The following USP45 variants were observed in gnomAD, a reference collection of about 807,000 sequenced individuals.
USP45 encodes the protein ubiquitin carboxyl-terminal hydrolase 45.
Under a neutral mutation model 95.8 loss-of-function variants are expected in USP45, and 89 were observed. The observed-to-expected ratio is 0.93, with a 90% confidence interval of 0.78 to 1.11. USP45 has a LOEUF of 1.11. USP45 is among the 50% of genes least tolerant of loss of function. The pLI is 0.00. For missense variants in USP45, 898 were observed against 942.5 expected (o/e 0.95, Z 0.62); for synonymous variants, 281 against 316.2 (o/e 0.89, Z 1.18).
At chr6:99,462,014 C>T in intron 13 of USP45, 1 of 984,986 alleles carries the variant, frequency 1.0e-6, no homozygotes, top group Non-Finnish European at 1.2e-6. Flanking sequence ...ACATTTATGT[C>T]ATTTAAATTT....
chr6:99,503,997 C>A, intron 4 of USP45, 132 bp from the exon 5 acceptor site: 1 of 582,270 alleles, frequency 1.7e-6, no homozygotes, highest in Non-Finnish European at 2.9e-6. Flanking sequence ...GGGAAGCCAC[C>A]AGGTAAGTCT....
chr6:99,497,881 T>C (rs1463731650), intron 5 of USP45, among the ~76,000 whole-genome samples: 1 of 152,198 alleles, frequency 6.6e-6, no homozygotes, highest in Non-Finnish European at 1.5e-5. Context: ...AATGAGCTAT[T>C]TTCTTTGCCT....
intron 9 of USP45, among the ~76,000 whole-genome samples, chr6:99,472,966 T>C (rs1789814759): frequency 6.6e-6 from 1 of 152,154 alleles, no homozygotes; most frequent in African/African-American, 2.4e-5. Flanking sequence ...TAAGAAAATG[T>C]GATCAAATAC....
At chr6:99,506,171 C>A (rs1798480455) in intron 4 of USP45, among the ~76,000 whole-genome samples, 2 of 152,130 alleles carry the variant, frequency 1.3e-5, no homozygotes, top group South Asian at 4.1e-4. Context: ...TAAAGAAAAT[C>A]TGAGACTCCT....
chr6:99,499,930 T>C (rs915763193), intron 5 of USP45, among the ~76,000 whole-genome samples: 2 of 152,208 alleles, frequency 1.3e-5, no homozygotes, highest in Non-Finnish European at 2.9e-5. Flanking sequence ...CTGTTTAATC[T>C]TACACCTTCT....
chr6:99,445,082 GCTA>G (rs1379766290), intron 14 of USP45, among the ~76,000 whole-genome samples: 1 of 152,148 alleles, frequency 6.6e-6, no homozygotes, highest in African/African-American at 2.4e-5. Flanking sequence ...TTTATGACAT[GCTA>G]CTATTTAAAA....
intron 5 of USP45, among the ~76,000 whole-genome samples, chr6:99,503,122 A>G (rs994275590): frequency 2.6e-5 from 4 of 152,352 alleles, no homozygotes; most frequent in East Asian, 3.9e-4. Context: ...CAGTAACTCC[A>G]TAAGACAGAA....
In USP45 at chr6:99,444,240, C is replaced by T. The variant is rs761811464; in HGVS notation, c.1976-578G>A. On this transcript the variant is annotated intron_variant, in intron 14 of 17. Coordinates refer to ENST00000500704, the MANE Select transcript of USP45 (RefSeq NM_001346022.3). ...ATGTTCCTCAGACTGGTCTTGAACT[C>T]CTGGCTACAAGCGATCCTCATGCCT... is the stretch of plus-strand genomic sequence containing the variant. 4.9e-4 allele frequency among the ~76,000 whole-genome samples: 75 copies of T among 152,140 alleles called. 2 individuals are homozygous for T. Among genetic ancestry groups the T allele is most frequent in the South Asian group, 4.1e-4 (2 of 4,822 alleles).
intron 8 of USP45, among the ~76,000 whole-genome samples, chr6:99,481,317 A>G: frequency 6.6e-6 from 1 of 152,226 alleles, no homozygotes; most frequent in East Asian, 1.9e-4. Flanking sequence ...AAAGAATCAG[A>G]TAATAGTTAC....
At chr6:99,465,222 C>G in intron 11 of USP45, 86 bp from the exon 12 acceptor site, 1 of 1,128,030 alleles carries the variant, frequency 8.9e-7, no homozygotes, top group South Asian at 2.0e-5. Context: ...TCAAACTTCC[C>G]GGGCAACCTA....
chr6:99,476,137 C>T lies in USP45; in HGVS notation c.933+6G>A. ...AGAATACATGATATACATAAAGAAA[C>T]CTGACCTTTGTTTCTTCTGTCCTCA... is the stretch of plus-strand genomic sequence containing the variant. On this transcript the variant is annotated splice_donor_region_variant and intron_variant, in intron 9 of 17. Coordinates refer to ENST00000500704, the MANE Select transcript of USP45 (RefSeq NM_001346022.3). 1.9e-6 allele frequency: 3 copies of T among 1,612,092 alleles called. No individual in the cohort carries two copies. The South Asian group carries it at 3.3e-5, about 18-fold the overall frequency.
At chr6:99,458,346 T>C (rs1206636102) in intron 13 of USP45, among the ~76,000 whole-genome samples, 1 of 152,092 alleles carries the variant, frequency 6.6e-6, no homozygotes, top group African/African-American at 2.4e-5. Context: ...TTGGCAGCAA[T>C]CATGAGAATG....
chr6:99,461,767 G>C, intron 13 of USP45: 1 of 984,064 alleles, frequency 1.0e-6, no homozygotes, highest in South Asian at 4.7e-5. Flanking sequence ...AATTTTAAAA[G>C]ATGCAAGGTG....
intron 13 of USP45, among the ~76,000 whole-genome samples, chr6:99,457,753 A>G (rs1353547047): frequency 6.6e-6 from 1 of 152,138 alleles, no homozygotes; most frequent in African/African-American, 2.4e-5. Context: ...GTTGTTTTAA[A>G]AGATACATAT....
At chr6:99,485,708 A>G (rs1390264235) in intron 7 of USP45, among the ~76,000 whole-genome samples, 1 of 152,218 alleles carries the variant, frequency 6.6e-6, no homozygotes, top group African/African-American at 2.4e-5. Context: ...GAATATTTTC[A>G]TTAAATAAAA....
At chr6:99,454,683 T>C (rs558090870) in intron 13 of USP45, among the ~76,000 whole-genome samples, 4 of 152,326 alleles carry the variant, frequency 2.6e-5, no homozygotes, top group South Asian at 2.1e-4. Flanking sequence ...TTTACCCCAG[T>C]TGAATGGTTA....
In USP45 at chr6:99,432,666, A is replaced by G. The variant is rs1313584125; in HGVS notation, c.*3050T>C. 6.6e-6 allele frequency: 1 copy of G among 152,468 alleles called. No homozygotes were observed. The highest frequency in any genetic ancestry group is 1.5e-5 in the Non-Finnish European group (1 of 68,046). The allele number at this position is 152,468 out of a possible 1,614,324, so 9.4% of individuals were successfully genotyped here. On this transcript the variant is annotated 3_prime_UTR_variant, in exon 18 of 18. Transcript: ENST00000500704. Reference sequence around the variant, plus strand: ...AAATATCTAGAAATAATCTTTTTTAACAATGCACTAGATACTATCTAAAGG... The same window carrying G: ...AAATATCTAGAAATAATCTTTTTTAGCAATGCACTAGATACTATCTAAAGG...
At position 99,445,794 on chromosome 6, in the gene USP45, T is replaced by C; in HGVS notation, c.1975+3A>G. The C allele has an allele frequency of 1.9e-6, 3 of 1,544,374 alleles. No individual in the cohort carries two copies. In the South Asian group the frequency reaches 3.8e-5, roughly 19 times the overall value. On this transcript the variant is annotated splice_donor_region_variant and intron_variant, in intron 14 of 17. Coordinates refer to ENST00000500704, the MANE Select transcript of USP45 (RefSeq NM_001346022.3). Reference sequence around the variant, plus strand: ...ATAATTATGTAATTAAAAAAATAATTACCTGCAAAACTGGTTTCTTCTTGG... The same window carrying C: ...ATAATTATGTAATTAAAAAAATAATCACCTGCAAAACTGGTTTCTTCTTGG...
intron 8 of USP45, among the ~76,000 whole-genome samples, chr6:99,477,810 G>A (rs1791255018): frequency 6.6e-6 from 1 of 152,134 alleles, no homozygotes; most frequent in South Asian, 2.1e-4. Context: ...ACCTTGATGG[G>A]CTTCCCTACC....
Sources: gnomAD v4.1 joint callset for allele counts (sites outside exome capture counted in the v4.1 genomes callset) on GRCh38, gnomAD v4.1.1 for gene constraint, MANE v1.5 for transcripts, NCBI Gene and HGNC (gene_info 2026-07-23, HGNC 2026-07-21) for gene names.